Variants in POGK observed in about 807,000 individuals in gnomAD.
POGK encodes the protein pogo transposable element with KRAB domain.
A neutral mutation model predicts 54.4 loss-of-function variants in POGK; 16 were observed. The observed-to-expected ratio is 0.29, with a 90% CI of 0.20 to 0.45. The LOEUF is 0.45. POGK is among the 20% of genes least tolerant of loss of function. POGK has a pLI of 1.00. For synonymous variants in POGK, 271 were observed against 302.2 expected, an observed-to-expected ratio of 0.90 and a Z score of 1.07; for missense variants, 515 against 795.6, an observed-to-expected ratio of 0.65 and a Z score of 4.24.
Position 166,852,644 on chromosome 1 carries a change from A to G in POGK, c.*74A>G, listed in dbSNP as rs1344617247. 1 of 152,268 alleles carries G rather than the reference A, an allele frequency of 6.6e-6. No homozygotes were observed. Among genetic ancestry groups the G allele is most frequent in the Non-Finnish European group, 1.5e-5 (1 of 68,058 alleles). 9.4% of individuals were successfully genotyped at this position (152,268 alleles called of 1,614,324 possible). A position where few individuals can be genotyped will look rare whatever the true frequency, so the allele number is the denominator to read the frequency against. On this transcript the variant is annotated 3_prime_UTR_variant, in exon 6 of 6. Coordinates refer to ENST00000367876, the MANE Select transcript of POGK (RefSeq NM_017542.5). Reference sequence around the variant, plus strand: ...AATTCCTCAAGATGATTATTCCTGAAAGTGTGGATGCGCTGGATGCGCAGG... The same window carrying G: ...AATTCCTCAAGATGATTATTCCTGAGAGTGTGGATGCGCTGGATGCGCAGG...
Position 166,849,120 on chromosome 1 carries a change from C to T in POGK, c.541C>T (p.Leu181Phe), listed in dbSNP as rs1291663257. Residue 181 changes from leucine to phenylalanine, a missense_variant, in exon 5 of 6, where the codon CTC becomes TTC. Leu to Phe is a conservative substitution (Grantham distance 22, BLOSUM62 0). This residue lies in a region of POGK where 461 missense variants were observed against 743.5 expected (regional missense o/e 0.62). Coordinates refer to ENST00000367876, the MANE Select transcript of POGK (RefSeq NM_017542.5). ...YMAMGFPGYDLSADDIAGKFQ... is the reference protein window; with the variant it reads ...YMAMGFPGYDFSADDIAGKFQ... The stretch of plus-strand genomic sequence containing the variant: ...GGCCATGGGCTTCCCAGGGTATGAC[C>T]TCTCGGCTGATGACATAGCTGGGAA... The T allele has an allele frequency of 1.9e-6, 3 of 1,614,078 alleles. No homozygotes were observed. The highest frequency in any genetic ancestry group is 2.5e-6 in the Non-Finnish European group (3 of 1,180,054).
At position 166,854,204 on chromosome 1, in the gene POGK, C is replaced by T. The variant is rs989836658; in HGVS notation, c.*1634C>T. ...AACTCCTGTTTCGCTCCACCAACAC[C>T]TCTGTGAGTCTCATCATCAGCTGAG... On this transcript the variant is annotated 3_prime_UTR_variant, in exon 6 of 6. Coordinates refer to ENST00000367876, the MANE Select transcript of POGK (RefSeq NM_017542.5). The T allele has an allele frequency of 8.5e-5, 13 of 152,634 alleles. 1 individual carries two copies. Among genetic ancestry groups the T allele is most frequent in the Admixed American group, 7.2e-4 (11 of 15,276 alleles). The allele number at this position is 152,634 out of a possible 1,614,324, so 9.5% of individuals were successfully genotyped here.
rs890066659 is a variant in POGK at position 166,854,334 on chromosome 1, A to G, written c.*1764A>G. 2 of 152,616 alleles carry G rather than the reference A, an allele frequency of 1.3e-5. No individual in the cohort carries two copies. The highest frequency in any genetic ancestry group is 2.9e-5 in the Non-Finnish European group (2 of 68,040). The allele number at this position is 152,616 out of a possible 1,614,324, so 9.5% of individuals were successfully genotyped here. On this transcript the variant is annotated 3_prime_UTR_variant, in exon 6 of 6. Coordinates refer to ENST00000367876, the MANE Select transcript of POGK (RefSeq NM_017542.5). ...TCTTCCACTGACTTAATTATGATCT[A>G]TGCCTAACAGAGCCCCAGTACAACT... is the stretch of plus-strand genomic sequence containing the variant.
rs750933660 is a variant in POGK at position 166,846,585 on chromosome 1, T to C, written c.133-27T>C. ...TCTGTCTGCATATGCCTGTTTGTCATTGTGAAAGGGCTGTTCACTCTTCCA... is the reference window on the plus strand; with the variant it reads ...TCTGTCTGCATATGCCTGTTTGTCACTGTGAAAGGGCTGTTCACTCTTCCA... On this transcript the variant is annotated intron_variant, in intron 2 of 5. Transcript: ENST00000367876. The C allele has an allele frequency of 3.9e-5, 63 of 1,613,626 alleles. No individual in the cohort carries two copies. In the South Asian group the frequency reaches 5.7e-4, roughly 15 times the overall value.
At position 166,854,852 on chromosome 1, in the gene POGK, G is replaced by C. The variant is rs1437693277; in HGVS notation, c.*2282G>C. On this transcript the variant is annotated 3_prime_UTR_variant, in exon 6 of 6. Coordinates refer to ENST00000367876, the MANE Select transcript of POGK (RefSeq NM_017542.5). Reference sequence around the variant, plus strand: ...CCTGACAATTTACAGTGCCCATAAAGTAGTAGTTGATTCTCCAGGAATAAT... The same window carrying C: ...CCTGACAATTTACAGTGCCCATAAACTAGTAGTTGATTCTCCAGGAATAAT... The C allele has an allele frequency of 6.6e-6, 1 of 151,830 alleles. No individual in the cohort carries two copies. Among genetic ancestry groups the C allele is most frequent in the Non-Finnish European group, 1.5e-5 (1 of 68,036 alleles). 9.4% of individuals were successfully genotyped at this position (151,830 alleles called of 1,614,324 possible).
rs1297425598 is a variant in POGK, at chr1:166,855,271, AT to A, written c.*2702del. The stretch of plus-strand genomic sequence containing the variant: ...CAGTGATAAATTCCTGCAGGAAAAA[AT>A]AAGTTTTATTCTAAGTCTGAAATTA... On this transcript the variant is annotated 3_prime_UTR_variant, in exon 6 of 6. Transcript: ENST00000367876. 6.6e-6 allele frequency: 1 copy of A among 152,206 alleles called. No homozygotes were observed. The highest frequency in any genetic ancestry group is 1.5e-5 in the Non-Finnish European group (1 of 68,030). The allele number at this position is 152,206 out of a possible 1,614,324, so 9.4% of individuals were successfully genotyped here.
chr1:166,847,154 A>G (rs998167652), intron 3 of POGK, among the ~76,000 whole-genome samples: 7 of 152,168 alleles, frequency 4.6e-5, no homozygotes, highest in Non-Finnish European at 1.0e-4. Flanking sequence ...GATATCACAC[A>G]TCTTATCAGC....
rs1452000888 is a variant in POGK at position 166,853,782 on chromosome 1, T to A, written c.*1212T>A. On this transcript the variant is annotated 3_prime_UTR_variant, in exon 6 of 6. Transcript: ENST00000367876. ...TCAGCTCACCTGTATATTTAAACTG[T>A]TCTTGGCATCTTGAAACACCTATTT... The A allele has an allele frequency of 1.3e-5, 2 of 152,564 alleles. No individual in the cohort carries two copies. The highest frequency in any genetic ancestry group is 2.9e-5 in the Non-Finnish European group (2 of 68,044). 9.5% of individuals were successfully genotyped at this position (152,564 alleles called of 1,614,324 possible).
rs1287441491 is a variant in POGK at position 166,848,991 on chromosome 1, A to G, written c.412A>G (p.Thr138Ala). The change falls in exon 5 of 6, where the codon ACC becomes GCC. Residue 138 changes from threonine to alanine, a missense_variant. Physicochemically the swap from Thr to Ala is moderately conservative, Grantham distance 58. This residue lies in a region of POGK where 461 missense variants were observed against 743.5 expected (regional missense o/e 0.62). Coordinates refer to ENST00000367876, the MANE Select transcript of POGK (RefSeq NM_017542.5). ...PPDWPNPMNATSQFPQPQHFD... is the reference protein window; with the variant it reads ...PPDWPNPMNAASQFPQPQHFD... The stretch of plus-strand genomic sequence containing the variant: ...AGACTGGCCAAACCCAATGAATGCT[A>G]CCTCCCAGTTTCCTCAGCCTCAGCA... 1 of 1,613,768 alleles carries G rather than the reference A, an allele frequency of 6.2e-7. No homozygotes were observed. The highest frequency in any genetic ancestry group is 1.3e-5 in the African/African-American group (1 of 74,884).
In POGK at chr1:166,854,880, G is replaced by A. The variant is rs1423035035; in HGVS notation, c.*2310G>A. On this transcript the variant is annotated 3_prime_UTR_variant, in exon 6 of 6. Coordinates refer to ENST00000367876, the MANE Select transcript of POGK (RefSeq NM_017542.5). Reference sequence around the variant, plus strand: ...GTAGTTGATTCTCCAGGAATAATCTGGCAGTGTTATTTTTCCTTTTCAACC... The same window carrying A: ...GTAGTTGATTCTCCAGGAATAATCTAGCAGTGTTATTTTTCCTTTTCAACC... 6.6e-6 allele frequency: 1 copy of A among 151,092 alleles called. No individual in the cohort carries two copies. Among genetic ancestry groups the A allele is most frequent in the African/African-American group, 2.5e-5 (1 of 40,408 alleles). The allele number at this position is 151,092 out of a possible 1,614,324, so 9.4% of individuals were successfully genotyped here.
rs947730766 is a variant in POGK at position 166,850,492 on chromosome 1, C to T, written c.*14+69C>T. On this transcript the variant is annotated intron_variant, in intron 5 of 5. Coordinates refer to ENST00000367876, the MANE Select transcript of POGK (RefSeq NM_017542.5). ...CTGTGTTCTACAAACACCTTCTCTC[C>T]ATTATTTTTCTGTTTTTAAGTTCCC... 7.5e-6 allele frequency: 11 copies of T among 1,471,138 alleles called. No homozygotes were observed. In the Admixed American group the frequency reaches 2.6e-4, roughly 35 times the overall value. 91.1% of individuals were successfully genotyped at this position (1,471,138 alleles called of 1,614,324 possible). A position where few individuals can be genotyped will look rare whatever the true frequency, so the allele number is the denominator to read the frequency against.
intron 2 of POGK, among the ~76,000 whole-genome samples, chr1:166,844,225 T>C (rs1657736992): frequency 6.6e-6 from 1 of 152,198 alleles, no homozygotes; most frequent in South Asian, 2.1e-4. Context: ...CCTGATGTTT[T>C]TACCAGGCCT....
intron 2 of POGK, among the ~76,000 whole-genome samples, chr1:166,844,613 A>G (rs1657758573): frequency 6.6e-6 from 1 of 152,250 alleles, no homozygotes; most frequent in Non-Finnish European, 1.5e-5. Context: ...AAGTAGAACA[A>G]GAGAAGGGAA....
rs1288027641 is a variant in POGK, at chr1:166,855,636, A to G, written c.*3066A>G. 6.6e-6 allele frequency: 1 copy of G among 152,306 alleles called. No homozygotes were observed. Among genetic ancestry groups the G allele is most frequent in the Admixed American group, 6.5e-5 (1 of 15,288 alleles). 9.4% of individuals were successfully genotyped at this position (152,306 alleles called of 1,614,324 possible). ...CATGAGGCAAAGGCAGTCTTCCAGC[A>G]TTCTATGGTCCCACCAGGTGGGTAG... On this transcript the variant is annotated 3_prime_UTR_variant, in exon 6 of 6. Transcript: ENST00000367876.
chr1:166,851,700 C>G (rs1658071294), intron 5 of POGK: 1 of 152,228 alleles, frequency 6.6e-6, no homozygotes, highest in Non-Finnish European at 1.5e-5. Context: ...CCTGTTCGTT[C>G]TCATCTCCCT....
chr1:166,854,060 C>CTCTTT lies in POGK; in HGVS notation c.*1491_*1495dup, dbSNP rs1161558208. 1 of 152,272 alleles carries CTCTTT rather than the reference C, an allele frequency of 6.6e-6. No homozygotes were observed. Among genetic ancestry groups the CTCTTT allele is most frequent in the African/African-American group, 2.4e-5 (1 of 41,440 alleles). The allele number at this position is 152,272 out of a possible 1,614,324, so 9.4% of individuals were successfully genotyped here. A position where few individuals can be genotyped will look rare whatever the true frequency, so the allele number is the denominator to read the frequency against. ...ATTTTTCATCTGTCCTAGTTACTGG[C>CTCTTT]TCTTTCTTCATGTCTTATTTCTCTT... On this transcript the variant is annotated 3_prime_UTR_variant, in exon 6 of 6. Coordinates refer to ENST00000367876, the MANE Select transcript of POGK (RefSeq NM_017542.5).
rs1180528389 is a variant in POGK at position 166,856,326 on chromosome 1, C to CCTAT, written c.*3759_*3762dup. ...TCCAGCTGGGGTGACAGAGTGAGAC[C>CCTAT]CTATCTCAAAAAGAAAAGAAAAAAA... is the stretch of plus-strand genomic sequence containing the variant. On this transcript the variant is annotated 3_prime_UTR_variant, in exon 6 of 6. Transcript: ENST00000367876. 4 of 146,888 alleles carry CCTAT rather than the reference C, an allele frequency of 2.7e-5. No individual in the cohort carries two copies. The highest frequency in any genetic ancestry group is 6.8e-5 in the Admixed American group (1 of 14,756). The allele number at this position is 146,888 out of a possible 1,614,324, so 9.1% of individuals were successfully genotyped here. A position where few individuals can be genotyped will look rare whatever the true frequency, so the allele number is the denominator to read the frequency against.
At chr1:166,842,582 C>G (rs547650419) in intron 2 of POGK, among the ~76,000 whole-genome samples, 95 of 152,368 alleles carry the variant, frequency 6.2e-4, no homozygotes, top group Non-Finnish European at 1.3e-3. Flanking sequence ...ATGCCTCATT[C>G]AGGCTGAGAA....
chr1:166,846,304 G>T (rs114429450), intron 2 of POGK, among the ~76,000 whole-genome samples: 2,445 of 152,326 alleles, frequency 0.016, 64 homozygotes, highest in African/African-American at 0.056. Flanking sequence ...GTGCATGAGG[G>T]TGCGATGTCC....
Sources: allele counts gnomAD v4.1 joint callset (sites outside exome capture counted in the v4.1 genomes callset), GRCh38; gene constraint gnomAD v4.1.1; regional missense constraint gnomAD v4.1.1; transcripts MANE v1.5; gene names NCBI Gene and HGNC (gene_info 2026-07-23, HGNC 2026-07-21).